The following FRMD4A variants were observed in gnomAD, a reference collection of about 807,000 sequenced individuals.
FRMD4A encodes FERM domain-containing protein 4A.
Under a neutral mutation model 129.1 loss-of-function variants are expected in FRMD4A, and 29 were observed. The observed-to-expected ratio is 0.22, with a 90% CI of 0.17 to 0.31. The LOEUF (loss-of-function observed/expected upper bound fraction) is 0.31, where lower values mean the gene tolerates loss of function less well. Ranked by LOEUF, FRMD4A falls within the 10% of genes least tolerant of loss-of-function variation. The probability of loss-of-function intolerance (pLI) is 1.00; values close to 1 mark genes in which losing one functional copy is unlikely to be tolerated. For synonymous variants in FRMD4A, 634 were observed against 571.6 expected, an observed-to-expected ratio of 1.11 and a Z score of -1.56; for missense variants, 1,272 against 1,375.8, an observed-to-expected ratio of 0.92 and a Z score of 1.19.
chr10:13,791,173 C>T (rs1384514424), intron 5 of FRMD4A, among the ~76,000 whole-genome samples: 1 of 152,098 alleles, frequency 6.6e-6, no homozygotes, highest in Non-Finnish European at 1.5e-5. Flanking sequence ...ATTTTCTCTG[C>T]AGAAACATAA....
chr10:14,262,606 T>C (rs991126819), intron 2 of FRMD4A, among the ~76,000 whole-genome samples: 2 of 152,124 alleles, frequency 1.3e-5, no homozygotes, highest in African/African-American at 4.8e-5. Flanking sequence ...CTCAGTCCCT[T>C]GCCAGAGCTC....
At chr10:13,719,986 T>C (rs1176341531) in intron 12 of FRMD4A, among the ~76,000 whole-genome samples, 1 of 152,172 alleles carries the variant, frequency 6.6e-6, no homozygotes, top group Admixed American at 6.5e-5. Flanking sequence ...CCAGTCCCTC[T>C]CCTCCATTCT....
At chr10:13,661,047 T>C (rs1283028864) in intron 19 of FRMD4A, among the ~76,000 whole-genome samples, 1 of 152,148 alleles carries the variant, frequency 6.6e-6, no homozygotes, top group Non-Finnish European at 1.5e-5. Context: ...AAAAAATGAA[T>C]GAGGGTCTAT....
intron 2 of FRMD4A, among the ~76,000 whole-genome samples, chr10:14,060,089 G>A (rs541412379): frequency 2.6e-5 from 4 of 152,282 alleles, no homozygotes; most frequent in Admixed American, 6.5e-5. Context: ...AGTAGCTGGC[G>A]TTTATTGCAT....
chr10:13,804,579 C>A (rs1209385555), intron 4 of FRMD4A, among the ~76,000 whole-genome samples: 1 of 151,688 alleles, frequency 6.6e-6, no homozygotes, highest in Non-Finnish European at 1.5e-5. Context: ...GAGTCTCGCT[C>A]TGTCGCCAGG....
intron 2 of FRMD4A, among the ~76,000 whole-genome samples, chr10:14,285,330 T>C (rs1316763807): frequency 6.6e-6 from 1 of 152,202 alleles, no homozygotes; most frequent in Admixed American, 6.5e-5. Context: ...GGGCTACAGG[T>C]ATCAGCTTGT....
At chr10:14,226,249 G>C (rs781189633) in intron 2 of FRMD4A, among the ~76,000 whole-genome samples, 2 of 152,098 alleles carry the variant, frequency 1.3e-5, no homozygotes, top group Non-Finnish European at 2.9e-5. Flanking sequence ...TTTTCCCTGG[G>C]TGTGAGTTAT....
intron 5 of FRMD4A, among the ~76,000 whole-genome samples, chr10:13,785,718 C>A (rs991035381): frequency 6.6e-6 from 1 of 152,058 alleles, no homozygotes; most frequent in Non-Finnish European, 1.5e-5. Flanking sequence ...GTGTGCTGCA[C>A]CTGTTAACTC....
intron 3 of FRMD4A, among the ~76,000 whole-genome samples, chr10:13,828,658 G>A (rs1013261225): frequency 1.3e-5 from 2 of 151,564 alleles, no homozygotes; most frequent in African/African-American, 4.8e-5. Flanking sequence ...TCATACTCTC[G>A]AGTAGCTGGG....
intron 2 of FRMD4A, among the ~76,000 whole-genome samples, chr10:14,024,645 A>G (rs1832907787): frequency 6.6e-6 from 1 of 152,202 alleles, no homozygotes; most frequent in South Asian, 2.1e-4. Context: ...AAACTCTAAT[A>G]ATGGTGCTAT....
chr10:13,912,656 G>A (rs2094955064), intron 2 of FRMD4A, among the ~76,000 whole-genome samples: 1 of 151,758 alleles, frequency 6.6e-6, no homozygotes, highest in South Asian at 2.1e-4. Flanking sequence ...AGCCTCCTGA[G>A]TAGCTGGGAC....
intron 2 of FRMD4A, among the ~76,000 whole-genome samples, chr10:14,266,621 T>C (rs1053643853): frequency 6.6e-6 from 1 of 152,024 alleles, no homozygotes; most frequent in East Asian, 1.9e-4. Context: ...AGATTCATGA[T>C]ATAAAGAGAA....
chr10:13,971,668 C>T (rs2095519137), intron 2 of FRMD4A: 1 of 1,303,802 alleles, frequency 7.7e-7, no homozygotes, highest in South Asian at 1.2e-5. Flanking sequence ...GATAGACGGC[C>T]CTGGAGATGC....
intron 2 of FRMD4A, among the ~76,000 whole-genome samples, chr10:14,183,352 T>C (rs552256356): frequency 1.3e-5 from 2 of 152,216 alleles, no homozygotes; most frequent in Non-Finnish European, 2.9e-5. Flanking sequence ...AAAAGCTCAT[T>C]CTTCTAAGTT....
intron 8 of FRMD4A, among the ~76,000 whole-genome samples, chr10:13,749,015 G>A (rs1459584121): frequency 6.6e-6 from 1 of 152,180 alleles, no homozygotes; most frequent in African/African-American, 2.4e-5. Flanking sequence ...TCAGGTGACT[G>A]ACTCCTCCTT....
At chr10:13,793,607 T>C (rs1341623780) in intron 5 of FRMD4A, among the ~76,000 whole-genome samples, 1 of 152,162 alleles carries the variant, frequency 6.6e-6, no homozygotes, top group Non-Finnish European at 1.5e-5. Context: ...TGCGTCAAGA[T>C]ATGCAGGTGC....
At chr10:13,793,787 T>C (rs1375026990) in intron 5 of FRMD4A, among the ~76,000 whole-genome samples, 1 of 152,212 alleles carries the variant, frequency 6.6e-6, no homozygotes, top group Non-Finnish European at 1.5e-5. Context: ...AAACTGCCTG[T>C]GAGCATCCCT....
intron 2 of FRMD4A, among the ~76,000 whole-genome samples, chr10:14,236,309 C>T (rs914985771): frequency 6.6e-6 from 1 of 152,150 alleles, no homozygotes; most frequent in Admixed American, 6.5e-5. Flanking sequence ...TGGTTGTAAT[C>T]CAAGAAGGAA....
chr10:13,915,268 G>C (rs2094987726), intron 2 of FRMD4A, among the ~76,000 whole-genome samples: 1 of 152,176 alleles, frequency 6.6e-6, no homozygotes, highest in South Asian at 2.1e-4. Context: ...AGCTCTAGCA[G>C]TGGGAAGGCG....
Sources: gnomAD v4.1 joint callset for allele counts (sites outside exome capture counted in the v4.1 genomes callset) on GRCh38, gnomAD v4.1.1 for gene constraint, MANE v1.5 for transcripts, NCBI Gene and HGNC (gene_info 2026-07-23, HGNC 2026-07-21) for gene names.